The following PLEKHA3 variants were observed in gnomAD, a reference collection of about 807,000 sequenced individuals.
PLEKHA3 encodes pleckstrin homology domain-containing family A member 3.
A neutral mutation model predicts 39.2 loss-of-function variants in PLEKHA3; 19 were observed. That is an observed-to-expected ratio of 0.48 (90% confidence interval 0.34 to 0.71). The LOEUF (loss-of-function observed/expected upper bound fraction) is 0.71, where lower values mean the gene tolerates loss of function less well. PLEKHA3 is among the 30% of genes least tolerant of loss of function. PLEKHA3 has a pLI of 0.01. For missense variants in PLEKHA3, 253 were observed against 359.5 expected (o/e 0.70, Z 2.40); for synonymous variants, 97 against 118.6 (o/e 0.82, Z 1.18).
intron 3 of PLEKHA3, among the ~76,000 whole-genome samples, chr2:178,491,861 A>G (rs1685352344): frequency 6.6e-6 from 1 of 152,146 alleles, no homozygotes; most frequent in Non-Finnish European, 1.5e-5. Flanking sequence ...GGAGGAAGCA[A>G]GGGAAAGCGG....
intron 5 of PLEKHA3, 53 bp downstream of exon 5, chr2:178,495,713 T>C: frequency 6.5e-7 from 1 of 1,527,034 alleles, no homozygotes; most frequent in Non-Finnish European, 8.8e-7. Flanking sequence ...TGCATGTGGT[T>C]TTCGTTTCAT....
chr2:178,504,875 C>T lies in PLEKHA3; in HGVS notation c.*988C>T, dbSNP rs770380895. The T allele has an allele frequency of 1.2e-4, 19 of 152,362 alleles. No homozygotes were observed. Among genetic ancestry groups the T allele is most frequent in the Non-Finnish European group, 2.4e-4 (16 of 67,844 alleles). 9.4% of individuals were successfully genotyped at this position (152,362 alleles called of 1,614,324 possible). On this transcript the variant is annotated 3_prime_UTR_variant, in exon 8 of 8. Transcript: ENST00000234453. ...CATTATTTAATTAAAGAACAAATAG[C>T]ATTTTTTGGTAGTGCCTGTCCATAC...
rs1575149261 is a variant in PLEKHA3, at chr2:178,508,908, A to T, written c.*5021A>T. On this transcript the variant is annotated 3_prime_UTR_variant, in exon 8 of 8. Coordinates refer to ENST00000234453, the MANE Select transcript of PLEKHA3 (RefSeq NM_019091.4). Reference sequence around the variant, plus strand: ...AGGACCTGGGTTCCAGTTGCTCTTTATACAGACTTCTAGTCCTGATTTCAG... The same window carrying T: ...AGGACCTGGGTTCCAGTTGCTCTTTTTACAGACTTCTAGTCCTGATTTCAG... 6.5e-6 allele frequency: 1 copy of T among 153,776 alleles called. No individual in the cohort carries two copies. Among genetic ancestry groups the T allele is most frequent in the African/African-American group, 2.4e-5 (1 of 41,428 alleles). 9.5% of individuals were successfully genotyped at this position (153,776 alleles called of 1,614,324 possible). A position where few individuals can be genotyped will look rare whatever the true frequency, so the allele number is the denominator to read the frequency against.
intron 2 of PLEKHA3, among the ~76,000 whole-genome samples, chr2:178,489,451 C>CTTTTTTT (rs71023445): frequency 3.8e-4 from 31 of 82,336 alleles, no homozygotes; most frequent in East Asian, 8.2e-4. Flanking sequence ...TCTTTTCCTT[C>CTTTTTTT]TTTTTTTTTT....
At position 178,501,063 on chromosome 2, in the gene PLEKHA3, G is replaced by A; in HGVS notation, c.662G>A (p.Ser221Asn). Reference sequence around the variant, plus strand: ...AATGCTTTTTACTTAATTTGCAGGAGTAGCCACTCTATAAAAGAACCAGTA... The same window carrying A: ...AATGCTTTTTACTTAATTTGCAGGAATAGCCACTCTATAAAAGAACCAGTA... The part of the protein sequence containing the change: ...SHPGSCSSER[S>N]SHSIKEPVST... The change falls in exon 7 of 8, where the codon AGT becomes AAT. Residue 221 changes from serine (S) to asparagine (N), a missense_variant and splice_region_variant. Ser to Asn is a conservative substitution (Grantham distance 46). Transcript: ENST00000234453. 6.2e-7 allele frequency: 1 copy of A among 1,607,772 alleles called. No individual in the cohort carries two copies. Among genetic ancestry groups the A allele is most frequent in the Non-Finnish European group, 8.5e-7 (1 of 1,175,900 alleles).
rs999469155 is a variant in PLEKHA3, at chr2:178,507,236, C to T, written c.*3349C>T. 6.6e-6 allele frequency: 1 copy of T among 152,076 alleles called. No homozygotes were observed. The highest frequency in any genetic ancestry group is 1.5e-5 in the Non-Finnish European group (1 of 67,990). The allele number at this position is 152,076 out of a possible 1,614,324, so 9.4% of individuals were successfully genotyped here. ...TTACTTTACTTAAACTCTCCACCTCCCACATTTTTCTTCCCCCACCCCTCC... is the reference window on the plus strand; with the variant it reads ...TTACTTTACTTAAACTCTCCACCTCTCACATTTTTCTTCCCCCACCCCTCC... On this transcript the variant is annotated 3_prime_UTR_variant, in exon 8 of 8. Coordinates refer to ENST00000234453, the MANE Select transcript of PLEKHA3 (RefSeq NM_019091.4).
chr2:178,501,193 C>G lies in PLEKHA3; in HGVS notation c.775+17C>G. The stretch of plus-strand genomic sequence containing the variant: ...ACCCAGATAGTAAGTGACATAGATT[C>G]TGTCTCTTTCTTTGGCATATTCAGC... On this transcript the variant is annotated intron_variant, in intron 7 of 7. Transcript: ENST00000234453. 6.3e-7 allele frequency: 1 copy of G among 1,575,438 alleles called. No homozygotes were observed. The highest frequency in any genetic ancestry group is 1.4e-5 in the African/African-American group (1 of 73,732).
At position 178,499,197 on chromosome 2, in the gene PLEKHA3, T is replaced by TC; in HGVS notation, c.616-12dup. ...GATTATGCTAATTTTTTTTTTTTTT[T>TC]CCAAAATTTCTAGATGAAGCGTTCT... On this transcript the variant is annotated splice_polypyrimidine_tract_variant and intron_variant, in intron 5 of 7. Transcript: ENST00000234453. The TC allele has an allele frequency of 2.5e-6, 4 of 1,603,750 alleles. No individual in the cohort carries two copies. In the African/African-American group the frequency reaches 5.4e-5, roughly 22 times the overall value.
rs924143285 is a variant in PLEKHA3 at position 178,507,449 on chromosome 2, A to G, written c.*3562A>G. On this transcript the variant is annotated 3_prime_UTR_variant, in exon 8 of 8. Coordinates refer to ENST00000234453, the MANE Select transcript of PLEKHA3 (RefSeq NM_019091.4). ...TTGCTTAGTTTTTAATGTACCTGTC[A>G]CAATGACTATCCAAAGGCTTAAATG... 20 of 152,304 alleles carry G rather than the reference A, an allele frequency of 1.3e-4. No homozygotes were observed. Among genetic ancestry groups the G allele is most frequent in the African/African-American group, 4.8e-4 (20 of 41,566 alleles). 9.4% of individuals were successfully genotyped at this position (152,304 alleles called of 1,614,324 possible).
At position 178,504,973 on chromosome 2, in the gene PLEKHA3, G is replaced by A. The variant is rs1052210773; in HGVS notation, c.*1086G>A. The A allele has an allele frequency of 3.9e-5, 6 of 152,232 alleles. No individual in the cohort carries two copies. Among genetic ancestry groups the A allele is most frequent in the Non-Finnish European group, 7.4e-5 (5 of 67,806 alleles). The allele number at this position is 152,232 out of a possible 1,614,324, so 9.4% of individuals were successfully genotyped here. A position where few individuals can be genotyped will look rare whatever the true frequency, so the allele number is the denominator to read the frequency against. On this transcript the variant is annotated 3_prime_UTR_variant, in exon 8 of 8. Transcript: ENST00000234453. Reference sequence around the variant, plus strand: ...GGCTGATAGTTTTGTTTAAGGTTTTGGATAAGGAGCACTTTAAAACAAACT... The same window carrying A: ...GGCTGATAGTTTTGTTTAAGGTTTTAGATAAGGAGCACTTTAAAACAAACT...
At chr2:178,500,941 G>C in intron 6 of PLEKHA3, 120 bp from the exon 7 acceptor site, 1 of 682,330 alleles carries the variant, frequency 1.5e-6, no homozygotes, top group South Asian at 1.9e-5. Flanking sequence ...TGCTAACACG[G>C]GACGTTGAGC....
At chr2:178,500,953 T>TA (rs1477217570) in intron 6 of PLEKHA3, 108 bp from the exon 7 acceptor site, 1 of 751,164 alleles carries the variant, frequency 1.3e-6, no homozygotes, top group Non-Finnish European at 2.3e-6. Flanking sequence ...ACGTTGAGCA[T>TA]AAAAATAATT....
chr2:178,482,719 T>C (rs1015653145), intron 1 of PLEKHA3, among the ~76,000 whole-genome samples: 1 of 152,142 alleles, frequency 6.6e-6, no homozygotes, highest in East Asian at 1.9e-4. Flanking sequence ...GATTTCCTTA[T>C]CTCCTATGGT....
At chr2:178,487,430 C>T (rs983548744) in intron 2 of PLEKHA3, among the ~76,000 whole-genome samples, 6 of 151,052 alleles carry the variant, frequency 4.0e-5, no homozygotes, top group Non-Finnish European at 7.4e-5. Context: ...TCTTTTTTTT[C>T]TTTTCTTTTC....
chr2:178,487,470 A>G lies in PLEKHA3; in HGVS notation c.157+1713A>G, dbSNP rs532899986. On this transcript the variant is annotated intron_variant, in intron 2 of 7. Transcript: ENST00000234453. ...TTTGTTTTTTTTGAGACAGGTTCTC[A>G]CTCTGTTGCTCAGGCTGGAATGCAG... 1.3e-4 allele frequency among the ~76,000 whole-genome samples: 19 copies of G among 150,002 alleles called. No individual in the cohort carries two copies. In the East Asian group the frequency reaches 3.7e-3, roughly 29 times the overall value.
chr2:178,502,371 G>A (rs1050565656), intron 7 of PLEKHA3: 13 of 428,830 alleles, frequency 3.0e-5, no homozygotes, highest in Non-Finnish European at 4.7e-5. Flanking sequence ...AAACCGGGAA[G>A]GGGAAGGGAG....
Position 178,503,690 on chromosome 2 carries a change from A to G in PLEKHA3, c.776-70A>G, listed in dbSNP as rs577709444. ...TCATGTCCCTGAACAGGAAATTTAA[A>G]ATGTTCTTTCACAGAGGACTGGAGT... On this transcript the variant is annotated intron_variant, in intron 7 of 7. Coordinates refer to ENST00000234453, the MANE Select transcript of PLEKHA3 (RefSeq NM_019091.4). 5 of 1,491,734 alleles carry G rather than the reference A, an allele frequency of 3.4e-6. No homozygotes were observed. In the East Asian group the frequency reaches 1.2e-4, roughly 34 times the overall value. The allele number at this position is 1,491,734 out of a possible 1,614,324, so 92.4% of individuals were successfully genotyped here.
chr2:178,503,748 A>C lies in PLEKHA3; in HGVS notation c.776-12A>C, dbSNP rs201364324. On this transcript the variant is annotated splice_polypyrimidine_tract_variant and intron_variant, in intron 7 of 7. Transcript: ENST00000234453. ...GACAGGATGTTTAACGTTTTTATCA[A>C]TGTCTTCATAGGACCTGTTCACTGT... 9.8e-5 allele frequency: 158 copies of C among 1,609,452 alleles called. No individual in the cohort carries two copies. The African/African-American group carries it at 1.7e-3, about 17-fold the overall frequency.
At chr2:178,490,852 C>A (rs773974063) in intron 3 of PLEKHA3, 38 bp downstream of exon 3, 1 of 1,498,790 alleles carries the variant, frequency 6.7e-7, no homozygotes, top group Non-Finnish European at 9.0e-7. Context: ...AGAGTACTTT[C>A]TTAAATATAA....
Sources: allele counts gnomAD v4.1 joint callset (sites outside exome capture counted in the v4.1 genomes callset), GRCh38; gene constraint gnomAD v4.1.1; transcripts MANE v1.5; gene names NCBI Gene and HGNC (gene_info 2026-07-23, HGNC 2026-07-21).